SALL4: variants seen among roughly 807,000 people sequenced by gnomAD.
The protein encoded by SALL4 is spalt like transcription factor 4.
SALL4 carries 4 observed loss-of-function variants against 60.8 expected under a neutral mutation model. The observed-to-expected ratio is 0.07, with a 90% CI of 0.03 to 0.15. The LOEUF (loss-of-function observed/expected upper bound fraction) is 0.15. Ranked by LOEUF, SALL4 falls within the 10% of genes least tolerant of loss-of-function variation. The pLI is 1.00. For synonymous variants in SALL4, 580 were observed against 574.9 expected, an observed-to-expected ratio of 1.01 and a Z score of -0.13; for missense variants, 1,178 against 1,394.7, an observed-to-expected ratio of 0.84 and a Z score of 2.48.
Position 51,801,890 on chromosome 20 carries a change from C to T in SALL4, c.130+389G>A, listed in dbSNP as rs1199290030. 1.7e-5 allele frequency among the ~76,000 whole-genome samples: 2 copies of T among 120,830 alleles called. No individual in the cohort carries two copies. The highest frequency in any genetic ancestry group is 9.2e-5 in the Admixed American group (1 of 10,852). The allele number at this position is 120,830 out of a possible 152,430, so 79.3% of individuals were successfully genotyped here. On this transcript the variant is annotated intron_variant, in intron 1 of 3. Coordinates refer to ENST00000217086, the MANE Select transcript of SALL4 (RefSeq NM_020436.5). The surrounding 1 kb of genome is among the most constrained non-coding windows in gnomAD (Gnocchi z 5.2). ...CCCCCGGGGTTCTTTCTTTTGAGAGCGACGCGAGGGAGGGGGACCTAAGTT... is the reference window on the plus strand; with the variant it reads ...CCCCCGGGGTTCTTTCTTTTGAGAGTGACGCGAGGGAGGGGGACCTAAGTT...
At chr20:51,796,903 C>G (rs558190749) in intron 1 of SALL4, among the ~76,000 whole-genome samples, 12 of 152,154 alleles carry the variant, frequency 7.9e-5, no homozygotes, top group Middle Eastern at 3.4e-3. Flanking sequence ...CTTTGGAAGG[C>G]CACAAACCAC....
At chr20:51,792,740 G>GT in intron 1 of SALL4, 2 of 486,768 alleles carry the variant, frequency 4.1e-6, no homozygotes, top group Non-Finnish European at 5.8e-6. Flanking sequence ...AATTTCTTTT[G>GT]TAACTGGGGC....
In SALL4 at chr20:51,791,974, T is replaced by C. The variant is rs2078047582; in HGVS notation, c.509A>G (p.Tyr170Cys). 3 of 1,614,228 alleles carry C rather than the reference T, an allele frequency of 1.9e-6. No homozygotes were observed. Among genetic ancestry groups the C allele is most frequent in the Non-Finnish European group, 2.5e-6 (3 of 1,180,034 alleles). The change falls in exon 2 of 4, where the codon TAT becomes TGT. Residue 170 changes from tyrosine (Y) to cysteine (C), a missense_variant. Tyr to Cys is a radical substitution (Grantham distance 194). This residue lies in a region of SALL4 where 853 missense variants were observed against 1,036.8 expected (regional missense o/e 0.82). Coordinates refer to ENST00000217086, the MANE Select transcript of SALL4 (RefSeq NM_020436.5). This position sits in a 1 kb window ranked among gnomAD's most constrained non-coding sequence, Gnocchi z 4.6. The part of the protein sequence containing the change: ...ALPPTPQDIS[Y>C]LAKGKVANTN... ...GTTGGCCACTTTGCCTTTGGCTAAA[T>C]AGCTTATGTCCTGGGGGGTGGGTGG... is the stretch of plus-strand genomic sequence containing the variant.
Position 51,802,476 on chromosome 20 carries a change from G to C in SALL4, c.-68C>G. The C allele has an allele frequency of 6.2e-7, 1 of 1,608,458 alleles. No individual in the cohort carries two copies. The highest frequency in any genetic ancestry group is 8.5e-7 in the Non-Finnish European group (1 of 1,177,984). The stretch of plus-strand genomic sequence containing the variant: ...CTCTCCGCCACAAATTCCTGGAGTT[G>C]GGAAATTTACCCCCCTTCGGCCGGA... On this transcript the variant is annotated 5_prime_UTR_variant, in exon 1 of 4. Transcript: ENST00000217086.
rs2077964466 is a variant in SALL4, at chr20:51,782,927, G to A, written c.*1338C>T. 2 of 152,052 alleles carry A rather than the reference G, an allele frequency of 1.3e-5. No individual in the cohort carries two copies. The highest frequency in any genetic ancestry group is 1.3e-4 in the Admixed American group (2 of 15,246). 9.4% of individuals were successfully genotyped at this position (152,052 alleles called of 1,614,324 possible). ...CTACAAAAAATAAAAAATAAATGAG[G>A]TAGATAAATTAAAGCTTTCACACCC... On this transcript the variant is annotated 3_prime_UTR_variant, in exon 4 of 4. Coordinates refer to ENST00000217086, the MANE Select transcript of SALL4 (RefSeq NM_020436.5).
At position 51,791,822 on chromosome 20, in the gene SALL4, G is replaced by A. The variant is rs1350689235; in HGVS notation, c.661C>T (p.Leu221=). ...IPWVLEQILC[L]QQQQLQQIQL... Reference sequence around the variant, plus strand: ...ATCTGCTGTAGCTGCTGCTGCTGCAGACACAAGATCTGCTCGAGGACCCAC... The same window carrying A: ...ATCTGCTGTAGCTGCTGCTGCTGCAAACACAAGATCTGCTCGAGGACCCAC... The change falls in exon 2 of 4, where the codon CTG becomes TTG. Residue 221 remains leucine, a synonymous_variant. Transcript: ENST00000217086. The surrounding 1 kb of genome is among the most constrained non-coding windows in gnomAD (Gnocchi z 4.6). The A allele has an allele frequency of 6.2e-7, 1 of 1,614,026 alleles. No individual in the cohort carries two copies. Among genetic ancestry groups the A allele is most frequent in the Non-Finnish European group, 8.5e-7 (1 of 1,180,066 alleles).
rs760599085 is a variant in SALL4 at position 51,784,292 on chromosome 20, C to T, written c.3135G>A (p.Leu1045=). ...GVPKHQFPHF[L]EENKIAVS ...AGCTGACCGCAATCTTGTTTTCTTC[C>T]AGGAAGTGAGGAAACTGGTGTTTGG... is the stretch of plus-strand genomic sequence containing the variant. Residue 1045 remains leucine (L), a synonymous_variant, in exon 4 of 4, where the codon CTG becomes CTA. Coordinates refer to ENST00000217086, the MANE Select transcript of SALL4 (RefSeq NM_020436.5). 3 of 1,614,106 alleles carry T rather than the reference C, an allele frequency of 1.9e-6. No individual in the cohort carries two copies. The highest frequency in any genetic ancestry group is 2.5e-6 in the Non-Finnish European group (3 of 1,180,030).
At chr20:51,795,825 C>T (rs1292410583) in intron 1 of SALL4, among the ~76,000 whole-genome samples, 2 of 152,110 alleles carry the variant, frequency 1.3e-5, no homozygotes, top group African/African-American at 4.8e-5. Flanking sequence ...AATGGATGCA[C>T]CTTGGTCCAT....
At position 51,784,497 on chromosome 20, in the gene SALL4, T is replaced by A; in HGVS notation, c.2930A>T (p.Asn977Ile). ...ATTGGTCTTCACGGCCAGACCGCCA[T>A]TGAGCATGCTGGTGTACTGGTTCCA... ...VVWNQYTSML[N>I]GGLAVKTNEI... Residue 977 changes from asparagine to isoleucine, a missense_variant, in exon 4 of 4, where the codon AAT (asparagine) becomes ATT (isoleucine). Asn to Ile is a moderately radical substitution (Grantham distance 149). Around this residue, in one of 5 missense-constraint regions of SALL4, gnomAD observed 174 missense variants for 169.6 expected, o/e 1.03. Transcript: ENST00000217086. 1 of 1,614,156 alleles carries A rather than the reference T, an allele frequency of 6.2e-7. No individual in the cohort carries two copies. The highest frequency in any genetic ancestry group is 8.5e-7 in the Non-Finnish European group (1 of 1,180,024).
rs1259669105 is a variant in SALL4 at position 51,801,944 on chromosome 20, G to T, written c.130+335C>A. ...AGGGGGGGGGGTAACACCAGTGAGGGGAGTGGAACCAATTAAGTGAGGGGC... is the reference window on the plus strand; with the variant it reads ...AGGGGGGGGGGTAACACCAGTGAGGTGAGTGGAACCAATTAAGTGAGGGGC... On this transcript the variant is annotated intron_variant, in intron 1 of 3. Transcript: ENST00000217086. The surrounding 1 kb of genome is among the most constrained non-coding windows in gnomAD (Gnocchi z 5.2). Among the ~76,000 whole-genome samples, 4 of 152,074 alleles carry T rather than the reference G, an allele frequency of 2.6e-5. No homozygotes were observed. Among genetic ancestry groups the T allele is most frequent in the African/African-American group, 9.6e-5 (4 of 41,500 alleles).
At position 51,791,880 on chromosome 20, in the gene SALL4, G is replaced by A. The variant is rs749876684; in HGVS notation, c.603C>T (p.Leu201=). ...TGTTGGCACCAGGCACGGGGGCAGGGAGTGCATCCGCGCTCCGCTGATTCA... is the reference window on the plus strand; with the variant it reads ...TGTTGGCACCAGGCACGGGGGCAGGAAGTGCATCCGCGCTCCGCTGATTCA... ...VAVNQRSADA[L]PAPVPGANSI... is the part of the protein sequence containing the mutation. Residue 201 remains leucine, a synonymous_variant, in exon 2 of 4, where the codon CTC becomes CTT. Transcript: ENST00000217086. This position sits in a 1 kb window ranked among gnomAD's most constrained non-coding sequence, Gnocchi z 4.6. 3.1e-6 allele frequency: 5 copies of A among 1,614,044 alleles called. No individual in the cohort carries two copies. The highest frequency in any genetic ancestry group is 2.2e-5 in the South Asian group (2 of 91,088).
rs145735478 is a variant in SALL4, at chr20:51,791,278, C to T, written c.1205G>A (p.Arg402His). 9.9e-6 allele frequency: 16 copies of T among 1,613,930 alleles called. No individual in the cohort carries two copies. The highest frequency in any genetic ancestry group is 9.3e-5 in the African/African-American group (7 of 74,902). The change falls in exon 2 of 4, where the codon CGC becomes CAC. Residue 402 changes from arginine (R) to histidine (H), a missense_variant. Transcript: ENST00000217086. This position sits in a 1 kb window ranked among gnomAD's most constrained non-coding sequence, Gnocchi z 4.6. ...GTDSSLQIHL[R>H]SHTGERPFVC... ...GAAGGGTCTCTCTCCAGTGTGGGAG[C>T]GGAGGTGGATCTGCAAGGAGCTATC...
intron 1 of SALL4, among the ~76,000 whole-genome samples, chr20:51,800,824 C>T (rs751519916): frequency 4.9e-5 from 7 of 143,222 alleles, no homozygotes; most frequent in Admixed American, 7.6e-5. Flanking sequence ...GCCCCGAAAA[C>T]GCCCAGCCAT....
At chr20:51,795,806 C>T (rs2078075982) in intron 1 of SALL4, among the ~76,000 whole-genome samples, 1 of 152,138 alleles carries the variant, frequency 6.6e-6, no homozygotes. Context: ...TGTTAACAAA[C>T]AGCAACAAAA....
At chr20:51,792,384 G>T (rs773741955) in intron 1 of SALL4, 32 bp from the exon 2 acceptor site, 1 of 1,599,304 alleles carries the variant, frequency 6.3e-7, no homozygotes, top group South Asian at 1.1e-5. Context: ...TAAGGACTCT[G>T]CCCAAGTAAA....
chr20:51,786,638 T>C (rs2077994751), intron 3 of SALL4, among the ~76,000 whole-genome samples: 1 of 152,242 alleles, frequency 6.6e-6, no homozygotes, highest in African/African-American at 2.4e-5. Flanking sequence ...TGAATGTTGA[T>C]TGTAACAATG....
At chr20:51,798,377 C>T (rs1003955028) in intron 1 of SALL4, among the ~76,000 whole-genome samples, 4 of 129,964 alleles carry the variant, frequency 3.1e-5, no homozygotes, top group Admixed American at 3.1e-4. Context: ...AGTTTGCAAA[C>T]TCCATGAGGG....
chr20:51,795,238 T>G (rs1383039873), intron 1 of SALL4, among the ~76,000 whole-genome samples: 1 of 151,968 alleles, frequency 6.6e-6, no homozygotes, highest in Non-Finnish European at 1.5e-5. Context: ...AAACTCCATC[T>G]CTACTAACAA....
At position 51,790,016 on chromosome 20, in the gene SALL4, T is replaced by C. The variant is rs778426972; in HGVS notation, c.2461+6A>G. 22 of 1,614,030 alleles carry C rather than the reference T, an allele frequency of 1.4e-5. No homozygotes were observed. Among genetic ancestry groups the C allele is most frequent in the Non-Finnish European group, 1.8e-5 (21 of 1,180,012 alleles). ...TGGACATAAGTTAAATCCAAAGCTCTATCACCTTCCATCTCAGTGCGGCTG... is the reference window on the plus strand; with the variant it reads ...TGGACATAAGTTAAATCCAAAGCTCCATCACCTTCCATCTCAGTGCGGCTG... On this transcript the variant is annotated splice_donor_region_variant and intron_variant, in intron 2 of 3. Coordinates refer to ENST00000217086, the MANE Select transcript of SALL4 (RefSeq NM_020436.5). This position sits in a 1 kb window ranked among gnomAD's most constrained non-coding sequence, Gnocchi z 5.5.
Sources: gnomAD v4.1 joint callset for allele counts (sites outside exome capture counted in the v4.1 genomes callset) on GRCh38, gnomAD v4.1.1 for gene constraint, gnomAD v4.1.1 regional missense constraint, Gnocchi (gnomAD v3.1) non-coding constraint, MANE v1.5 for transcripts, NCBI Gene and HGNC (gene_info 2026-07-23, HGNC 2026-07-21) for gene names.